Variants in IMPG1 observed in about 807,000 individuals in gnomAD.
The protein encoded by IMPG1 is interphotoreceptor matrix proteoglycan 1.
A neutral mutation model predicts 92.0 loss-of-function variants in IMPG1; 85 were observed. That is an observed-to-expected ratio of 0.92 (90% confidence interval 0.78 to 1.11). The LOEUF is 1.11. IMPG1 is among the 50% of genes least tolerant of loss of function. IMPG1 has a pLI of 0.00. For missense variants in IMPG1, 1,022 were observed against 956.0 expected (o/e 1.07, Z -0.91); for synonymous variants, 367 against 334.1 (o/e 1.10, Z -1.08).
At position 75,921,428 on chromosome 6, in the gene IMPG1, G is replaced by A. The variant is rs1439945675; in HGVS notation, c.*661C>T. ...ATAGCTTTGTGTAGTAACAAGAAAA[G>A]TAAGATTTTTCCATGGTATGTGTAT... is the stretch of plus-strand genomic sequence containing the variant. On this transcript the variant is annotated 3_prime_UTR_variant, in exon 17 of 17. Transcript: ENST00000369950. The A allele has an allele frequency of 6.6e-6, 1 of 152,336 alleles. No homozygotes were observed. The highest frequency in any genetic ancestry group is 1.5e-5 in the Non-Finnish European group (1 of 68,026). The allele number at this position is 152,336 out of a possible 1,614,324, so 9.4% of individuals were successfully genotyped here.
At position 76,066,100 on chromosome 6, in the gene IMPG1, C is replaced by G. The variant is rs185255761; in HGVS notation, c.67+6322G>C. Among the ~76,000 whole-genome samples, 3 of 152,136 alleles carry G rather than the reference C, an allele frequency of 2.0e-5. No individual in the cohort carries two copies. In the East Asian group the frequency reaches 5.8e-4, roughly 29 times the overall value. On this transcript the variant is annotated intron_variant, in intron 1 of 16. Transcript: ENST00000369950. ...AATTTTAAATATGGAAATGAAAAAA[C>G]AATATTTGCCATCATAAAAACAAAC...
At chr6:76,045,554 G>T (rs1783926423) in intron 1 of IMPG1, among the ~76,000 whole-genome samples, 1 of 150,724 alleles carries the variant, frequency 6.6e-6, no homozygotes, top group Non-Finnish European at 1.5e-5. Flanking sequence ...TACAGCTTGA[G>T]CTGGGATTAG....
At chr6:76,002,668 T>A (rs747153735) in intron 12 of IMPG1, among the ~76,000 whole-genome samples, 19 of 152,130 alleles carry the variant, frequency 1.2e-4, no homozygotes, top group Non-Finnish European at 2.1e-4. Context: ...CCTTGACCAG[T>A]TCCATTAGAA....
intron 6 of IMPG1, among the ~76,000 whole-genome samples, chr6:76,021,597 G>A (rs937338498): frequency 2.0e-5 from 3 of 151,666 alleles, no homozygotes; most frequent in Non-Finnish European, 4.4e-5. Context: ...AGAACACTGT[G>A]TTTATTTTTC....
intron 15 of IMPG1, among the ~76,000 whole-genome samples, chr6:75,926,799 A>G (rs1032824889): frequency 1.3e-5 from 2 of 148,362 alleles, no homozygotes; most frequent in Non-Finnish European, 3.0e-5. Flanking sequence ...ACTTGAGGGA[A>G]ATGTAAAAAT....
chr6:76,002,822 G>A (rs181877826), intron 12 of IMPG1, 96 bp downstream of exon 12: 1 of 938,820 alleles, frequency 1.1e-6, no homozygotes, highest in East Asian at 2.4e-5. Context: ...CCTGGGTTCG[G>A]GATGGCTTTG....
At chr6:75,974,244 G>A (rs1782469167) in intron 12 of IMPG1, among the ~76,000 whole-genome samples, 1 of 151,494 alleles carries the variant, frequency 6.6e-6, no homozygotes, top group South Asian at 2.1e-4. Flanking sequence ...TTTTAATGAG[G>A]ACTTTCTTTC....
intron 12 of IMPG1, among the ~76,000 whole-genome samples, chr6:75,985,575 A>G (rs896822434): frequency 6.6e-6 from 1 of 152,242 alleles, no homozygotes; most frequent in Non-Finnish European, 1.5e-5. Flanking sequence ...TTCTCATCTA[A>G]GAGAATGCTT....
chr6:75,951,119 A>G, intron 12 of IMPG1, 25 bp from the exon 13 acceptor site: 1 of 1,514,878 alleles, frequency 6.6e-7, no homozygotes, highest in Non-Finnish European at 8.9e-7. Flanking sequence ...CAATTTCATT[A>G]TGTCCAAGTA....
chr6:75,982,750 G>A (rs1398290996), intron 12 of IMPG1, among the ~76,000 whole-genome samples: 1 of 151,780 alleles, frequency 6.6e-6, no homozygotes, highest in Non-Finnish European at 1.5e-5. Context: ...TTTTAACTAT[G>A]GTTTGAAGAG....
intron 15 of IMPG1, among the ~76,000 whole-genome samples, chr6:75,924,701 T>TATGATATATC (rs1554226549): frequency 0.37 from 487 of 1,302 alleles, 181 homozygotes; most frequent in African/African-American, 0.53. Context: ...TAAATAATTA[T>TATGATATATC]ATATAATATA....
chr6:75,983,064 A>G (rs768218864), intron 12 of IMPG1, among the ~76,000 whole-genome samples: 2 of 152,034 alleles, frequency 1.3e-5, no homozygotes, highest in Non-Finnish European at 2.9e-5. Flanking sequence ...TAAAATGGAT[A>G]ACTACATCCA....
intron 12 of IMPG1, among the ~76,000 whole-genome samples, chr6:75,960,840 A>G (rs1782203113): frequency 6.6e-6 from 1 of 152,238 alleles, no homozygotes; most frequent in African/African-American, 2.4e-5. Flanking sequence ...AAGATTTAAA[A>G]TAACTGTTAT....
At chr6:76,025,767 G>A (rs944760229) in intron 4 of IMPG1, among the ~76,000 whole-genome samples, 3 of 152,106 alleles carry the variant, frequency 2.0e-5, no homozygotes, top group Admixed American at 6.6e-5. Flanking sequence ...CTGTATTCTG[G>A]GCACAGCCAC....
chr6:76,033,924 A>G (rs1016238083), intron 4 of IMPG1, among the ~76,000 whole-genome samples: 1 of 152,210 alleles, frequency 6.6e-6, no homozygotes, highest in Admixed American at 6.5e-5. Flanking sequence ...ATACCAAATG[A>G]GAGTTCAAAA....
At chr6:76,044,917 G>A (rs537407259) in intron 1 of IMPG1, among the ~76,000 whole-genome samples, 17 of 152,132 alleles carry the variant, frequency 1.1e-4, no homozygotes, top group Non-Finnish European at 2.4e-4. Context: ...TATCGGGGTA[G>A]GTGCAGAAGC....
At chr6:76,015,732 G>A (rs143121035) in intron 7 of IMPG1, among the ~76,000 whole-genome samples, 5 of 149,542 alleles carry the variant, frequency 3.3e-5, no homozygotes, top group East Asian at 2.0e-4. Context: ...CCTAGGAGGC[G>A]GAGGTTGCAG....
intron 14 of IMPG1, among the ~76,000 whole-genome samples, chr6:75,941,922 G>A (rs1781841603): frequency 6.6e-6 from 1 of 152,266 alleles, no homozygotes; most frequent in African/African-American, 2.4e-5. Context: ...TTTGATAAGG[G>A]TTAGGGGAGG....
chr6:75,924,728 T>TATATATA (rs1491123226), intron 15 of IMPG1, among the ~76,000 whole-genome samples: 2,102 of 34,022 alleles, frequency 0.062, 651 homozygotes, highest in East Asian at 0.17. Flanking sequence ...ATAATATAAT[T>TATATATA]ATATATAATA....
Sources: gnomAD v4.1 joint callset for allele counts (sites outside exome capture counted in the v4.1 genomes callset) on GRCh38, gnomAD v4.1.1 for gene constraint, MANE v1.5 for transcripts, NCBI Gene and HGNC (gene_info 2026-07-23, HGNC 2026-07-21) for gene names.